Variants in COL22A1 observed in about 807,000 individuals in gnomAD.
COL22A1 encodes the protein collagen type XXII alpha 1 chain.
Under a neutral mutation model 248.9 loss-of-function variants are expected in COL22A1, and 221 were observed. The observed-to-expected ratio is 0.89, with a 90% CI of 0.80 to 0.99. COL22A1 has a LOEUF of 0.99. Ranked by LOEUF, COL22A1 falls within the 50% of genes least tolerant of loss-of-function variation. The pLI is 0.00. For missense variants in COL22A1, 2,240 were observed against 2,179.0 expected (o/e 1.03, Z -0.56); for synonymous variants, 891 against 793.4 (o/e 1.12, Z -2.07).
chr8:138,788,706 T>C (rs1008035781), intron 12 of COL22A1, among the ~76,000 whole-genome samples: 2 of 152,122 alleles, frequency 1.3e-5, no homozygotes, highest in Admixed American at 1.3e-4. Flanking sequence ...TAAGACCTCA[T>C]TAATGCTGAG....
intron 11 of COL22A1, among the ~76,000 whole-genome samples, chr8:138,798,779 G>A (rs1035183061): frequency 5.3e-5 from 8 of 151,842 alleles, no homozygotes; most frequent in African/African-American, 1.9e-4. Context: ...AATTTTCTTT[G>A]GTTTTTGGCA....
chr8:138,634,379 G>A (rs1031082035), intron 49 of COL22A1, among the ~76,000 whole-genome samples: 4 of 152,114 alleles, frequency 2.6e-5, no homozygotes, highest in African/African-American at 7.2e-5. Flanking sequence ...CCAGGGGACT[G>A]GTCCTGGGCT....
chr8:138,698,240 G>A (rs1827671401), intron 32 of COL22A1, among the ~76,000 whole-genome samples: 1 of 152,190 alleles, frequency 6.6e-6, no homozygotes, highest in Admixed American at 6.5e-5. Context: ...GCAGTGTGAT[G>A]GGAAGCCCCT....
At position 138,870,593 on chromosome 8, in the gene COL22A1, A is replaced by C. The variant is rs939681990; in HGVS notation, c.658+7157T>G. Among the ~76,000 whole-genome samples, 4 of 151,522 alleles carry C rather than the reference A, an allele frequency of 2.6e-5. No homozygotes were observed. The East Asian group carries it at 7.8e-4, about 30-fold the overall frequency. On this transcript the variant is annotated intron_variant, in intron 3 of 64. Transcript: ENST00000303045. ...TGCAGACTGTAAATGGTGTTTGTGCATGTGTTCATGTATGTGTGTGATATG... is the reference window on the plus strand; with the variant it reads ...TGCAGACTGTAAATGGTGTTTGTGCCTGTGTTCATGTATGTGTGTGATATG...
intron 4 of COL22A1, among the ~76,000 whole-genome samples, chr8:138,835,600 G>A (rs995806550): frequency 6.6e-6 from 1 of 152,152 alleles, no homozygotes; most frequent in African/African-American, 2.4e-5. Flanking sequence ...CTCAGGACCT[G>A]CAGGGCTGGC....
At chr8:138,819,624 T>C (rs1162258489) in intron 7 of COL22A1, among the ~76,000 whole-genome samples, 2 of 148,206 alleles carry the variant, frequency 1.3e-5, no homozygotes, top group African/African-American at 2.4e-5. Flanking sequence ...TTATATATAA[T>C]GGTATATATA....
chr8:138,627,979 G>A (rs1286325704), intron 50 of COL22A1, among the ~76,000 whole-genome samples: 1 of 152,028 alleles, frequency 6.6e-6, no homozygotes, highest in Admixed American at 6.5e-5. Flanking sequence ...AATTGATATA[G>A]CTATAAGATA....
chr8:138,779,515 G>T lies in COL22A1; in HGVS notation c.1698C>A (p.Gly566=). The T allele has an allele frequency of 6.2e-7, 1 of 1,612,076 alleles. No homozygotes were observed. Among genetic ancestry groups the T allele is most frequent in the South Asian group, 1.1e-5 (1 of 91,044 alleles). The change falls in exon 14 of 65, where the codon GGC becomes GGA. Residue 566 remains glycine (G), a synonymous_variant. Coordinates refer to ENST00000303045, the MANE Select transcript of COL22A1 (RefSeq NM_152888.3). ...AGCTCACAGCAACACTCACCCGCAT[G>T]CCGACCTCACCCGGCAGCCCCGGCT... ...LGEPGLPGEV[G]MRGPQGPPGL... is the part of the protein sequence containing the mutation.
At chr8:138,763,871 A>G (rs554567596) in intron 16 of COL22A1, among the ~76,000 whole-genome samples, 3 of 151,714 alleles carry the variant, frequency 2.0e-5, no homozygotes, top group African/African-American at 4.8e-5. Flanking sequence ...CCTTAATTCA[A>G]TTTTCATCTA....
chr8:138,781,365 G>A (rs751134267), intron 12 of COL22A1, among the ~76,000 whole-genome samples: 1 of 152,066 alleles, frequency 6.6e-6, no homozygotes, highest in Non-Finnish European at 1.5e-5. Context: ...TGGCATCATA[G>A]ACATCTGACT....
chr8:138,781,219 C>A (rs1247821088), intron 12 of COL22A1, among the ~76,000 whole-genome samples: 1 of 152,194 alleles, frequency 6.6e-6, no homozygotes, highest in Admixed American at 6.5e-5. Flanking sequence ...CCCAGAAGAT[C>A]TGTATGCACC....
At chr8:138,776,942 G>A (rs1308959666) in intron 15 of COL22A1, among the ~76,000 whole-genome samples, 1 of 152,220 alleles carries the variant, frequency 6.6e-6, no homozygotes, top group East Asian at 1.9e-4. Context: ...GGCAGTGCAT[G>A]TGCCTGCTCT....
intron 49 of COL22A1, among the ~76,000 whole-genome samples, chr8:138,631,200 G>T (rs1487567370): frequency 6.6e-6 from 1 of 152,104 alleles, no homozygotes; most frequent in Non-Finnish European, 1.5e-5. Flanking sequence ...TTCAACCTCA[G>T]GTATTTCTTT....
chr8:138,792,982 C>T (rs1376887011), intron 12 of COL22A1, among the ~76,000 whole-genome samples: 1 of 152,332 alleles, frequency 6.6e-6, no homozygotes, highest in African/African-American at 2.4e-5. Context: ...ACAGCATTGC[C>T]TTCCCTGAAA....
At chr8:138,878,809 C>T (rs1044041360) in intron 2 of COL22A1, among the ~76,000 whole-genome samples, 1 of 152,060 alleles carries the variant, frequency 6.6e-6, no homozygotes, top group Non-Finnish European at 1.5e-5. Flanking sequence ...AGATCGAGAC[C>T]ATCCTGGCTA....
intron 44 of COL22A1, among the ~76,000 whole-genome samples, 173 bp downstream of exon 44, chr8:138,660,263 T>G (rs1368860184): frequency 6.6e-6 from 1 of 152,240 alleles, no homozygotes; most frequent in Non-Finnish European, 1.5e-5. Flanking sequence ...GGTAACGACT[T>G]CCCACTGTAG....
At chr8:138,867,826 G>A (rs1586924044) in intron 3 of COL22A1, among the ~76,000 whole-genome samples, 1 of 152,252 alleles carries the variant, frequency 6.6e-6, no homozygotes, top group East Asian at 1.9e-4. Context: ...GAGTTCAGTG[G>A]CACGATCTCG....
intron 44 of COL22A1, among the ~76,000 whole-genome samples, chr8:138,656,244 C>T (rs537678072): frequency 9.2e-5 from 14 of 152,202 alleles, no homozygotes; most frequent in Non-Finnish European, 1.6e-4. Flanking sequence ...CTCTTCCCCC[C>T]GACCACCAAA....
intron 7 of COL22A1, among the ~76,000 whole-genome samples, chr8:138,815,906 C>T (rs983015754): frequency 4.6e-5 from 7 of 152,166 alleles, no homozygotes; most frequent in East Asian, 1.9e-4. Context: ...ATGTTGGACT[C>T]GGGAGTCCCT....
Sources: gnomAD v4.1 joint callset for allele counts (sites outside exome capture counted in the v4.1 genomes callset) on GRCh38, gnomAD v4.1.1 for gene constraint, MANE v1.5 for transcripts, NCBI Gene and HGNC (gene_info 2026-07-23, HGNC 2026-07-21) for gene names.